The following KCNJ6 variants were observed in gnomAD, a reference collection of about 807,000 sequenced individuals.
The protein encoded by KCNJ6 is potassium inwardly rectifying channel subfamily J member 6.
A neutral mutation model predicts 34.2 loss-of-function variants in KCNJ6; 9 were observed. The ratio of observed to expected loss-of-function variants is 0.26; its 90% confidence interval spans 0.16 to 0.46. KCNJ6 has a LOEUF of 0.46. Ranked by LOEUF, KCNJ6 falls within the 20% of genes least tolerant of loss-of-function variation. KCNJ6 has a pLI of 1.00. For synonymous variants in KCNJ6, 196 were observed against 207.1 expected (o/e 0.95, Z 0.46); for missense variants, 236 against 531.3 (o/e 0.44, Z 5.46).
intron 2 of KCNJ6, among the ~76,000 whole-genome samples, chr21:37,731,763 AC>A (rs2054886751): frequency 6.6e-6 from 1 of 152,234 alleles, no homozygotes; most frequent in Non-Finnish European, 1.5e-5. Flanking sequence ...ACCACCAGAT[AC>A]TTCAGGAAGC....
chr21:37,761,439 G>A (rs1427601871), intron 2 of KCNJ6, among the ~76,000 whole-genome samples: 1 of 150,588 alleles, frequency 6.6e-6, no homozygotes, highest in Non-Finnish European at 1.5e-5. Flanking sequence ...TGTTGTGTGT[G>A]TATATTTGTG....
intron 3 of KCNJ6, among the ~76,000 whole-genome samples, chr21:37,691,383 A>C (rs561291345): frequency 6.4e-4 from 98 of 152,220 alleles, no homozygotes; most frequent in African/African-American, 2.3e-3. Context: ...CCCAAATCTT[A>C]ACTTTCTGAT....
At chr21:37,828,253 G>C (rs943277523) in intron 2 of KCNJ6, among the ~76,000 whole-genome samples, 1 of 152,206 alleles carries the variant, frequency 6.6e-6, no homozygotes, top group Non-Finnish European at 1.5e-5. Flanking sequence ...CCGGGGTGTA[G>C]GTGGTGATGT....
At chr21:37,658,558 C>CT (rs898942991) in intron 3 of KCNJ6, among the ~76,000 whole-genome samples, 5 of 152,140 alleles carry the variant, frequency 3.3e-5, no homozygotes, top group East Asian at 3.8e-4. Flanking sequence ...TTTTTCTTTC[C>CT]TTTTTTTCCT....
chr21:37,784,066 C>G (rs189350950), intron 2 of KCNJ6, among the ~76,000 whole-genome samples: 1 of 152,172 alleles, frequency 6.6e-6, no homozygotes, highest in Non-Finnish European at 1.5e-5. Flanking sequence ...GTTATAGTGA[C>G]GTGAGCTGAC....
At chr21:37,794,716 G>A (rs955696012) in intron 2 of KCNJ6, among the ~76,000 whole-genome samples, 4 of 151,960 alleles carry the variant, frequency 2.6e-5, no homozygotes, top group African/African-American at 9.7e-5. Flanking sequence ...ATCACATACC[G>A]GGGCCTGTCG....
At chr21:37,740,390 T>C (rs1892679) in intron 2 of KCNJ6, among the ~76,000 whole-genome samples, 88,180 of 151,954 alleles carry the variant, frequency 0.58, 26,049 homozygotes, top group African/African-American at 0.68. Flanking sequence ...GGTCTCCACA[T>C]CTCTTATCGC....
chr21:37,902,676 GAGA>G (rs971276030), intron 1 of KCNJ6, among the ~76,000 whole-genome samples: 56 of 152,330 alleles, frequency 3.7e-4, no homozygotes, highest in African/African-American at 1.3e-3. Flanking sequence ...ATCTGGCAGA[GAGA>G]AGAAGTGTGC....
intron 3 of KCNJ6, among the ~76,000 whole-genome samples, chr21:37,646,840 T>G (rs2054407236): frequency 2.0e-5 from 3 of 151,968 alleles, no homozygotes. Flanking sequence ...CCGGCTAATT[T>G]GTTGTACTTT....
chr21:37,693,095 A>G (rs1276374794), intron 3 of KCNJ6, among the ~76,000 whole-genome samples: 1 of 152,198 alleles, frequency 6.6e-6, no homozygotes, highest in African/African-American at 2.4e-5. Flanking sequence ...ACATCCCTCT[A>G]TTTTGACAGC....
intron 3 of KCNJ6, among the ~76,000 whole-genome samples, chr21:37,706,641 C>T (rs2054721172): frequency 6.6e-6 from 1 of 152,226 alleles, no homozygotes; most frequent in Non-Finnish European, 1.5e-5. Context: ...AGCAGCATAA[C>T]TTAGCCAAAG....
intron 3 of KCNJ6, among the ~76,000 whole-genome samples, chr21:37,684,461 A>T (rs1327720715): frequency 6.6e-6 from 1 of 152,092 alleles, no homozygotes; most frequent in African/African-American, 2.4e-5. Flanking sequence ...TCCCAATAAG[A>T]TCATATTCTT....
intron 3 of KCNJ6, among the ~76,000 whole-genome samples, chr21:37,626,663 A>C (rs2054312679): frequency 1.3e-5 from 2 of 152,146 alleles, no homozygotes; most frequent in South Asian, 4.1e-4. Context: ...AGGTCAAAGA[A>C]ATCTTTTATA....
At chr21:37,725,627 T>G (rs1234531693) in intron 2 of KCNJ6, among the ~76,000 whole-genome samples, 1 of 152,184 alleles carries the variant, frequency 6.6e-6, no homozygotes, top group Non-Finnish European at 1.5e-5. Flanking sequence ...AATTTAGAAA[T>G]GAAAATTCAC....
At chr21:37,855,681 A>G (rs531052848) in intron 1 of KCNJ6, among the ~76,000 whole-genome samples, 11 of 152,320 alleles carry the variant, frequency 7.2e-5, no homozygotes, top group African/African-American at 2.6e-4. Context: ...CCCGGGGACC[A>G]GTCATTGCAG....
chr21:37,878,905 C>T (rs534395751), intron 1 of KCNJ6, among the ~76,000 whole-genome samples: 108 of 152,286 alleles, frequency 7.1e-4, no homozygotes, highest in Middle Eastern at 3.4e-3. Context: ...GATAGACCAA[C>T]ACCACAGAGT....
intron 3 of KCNJ6, among the ~76,000 whole-genome samples, chr21:37,665,695 T>C (rs1378940244): frequency 6.6e-6 from 1 of 152,230 alleles, no homozygotes; most frequent in Admixed American, 6.5e-5. Flanking sequence ...GTCGACCAAG[T>C]GTCTGCTCGC....
At chr21:37,749,574 C>T (rs758329275) in intron 2 of KCNJ6, among the ~76,000 whole-genome samples, 1 of 152,174 alleles carries the variant, frequency 6.6e-6, no homozygotes, top group African/African-American at 2.4e-5. Flanking sequence ...CTGTCCCAGA[C>T]CCTTTCCAAG....
chr21:37,746,928 A>G (rs1271890846), intron 2 of KCNJ6, among the ~76,000 whole-genome samples: 1 of 152,216 alleles, frequency 6.6e-6, no homozygotes, highest in Non-Finnish European at 1.5e-5. Context: ...TGCTCCAGCT[A>G]CTAGAATTGA....
Sources: gnomAD v4.1 joint callset for allele counts (sites outside exome capture counted in the v4.1 genomes callset) on GRCh38, gnomAD v4.1.1 for gene constraint, MANE v1.5 for transcripts, NCBI Gene and HGNC (gene_info 2026-07-23, HGNC 2026-07-21) for gene names.